The following KCNQ3 variants were observed in gnomAD, a reference collection of about 807,000 sequenced individuals.
KCNQ3 encodes the protein potassium voltage-gated channel subfamily KQT member 3.
A neutral mutation model predicts 92.5 loss-of-function variants in KCNQ3; 30 were observed. The ratio of observed to expected loss-of-function variants is 0.32; its 90% confidence interval spans 0.24 to 0.44. KCNQ3 has a LOEUF of 0.44. KCNQ3 is among the 20% of genes least tolerant of loss of function. The probability of loss-of-function intolerance (pLI) is 1.00; values close to 1 mark genes in which losing one functional copy is unlikely to be tolerated. For synonymous variants in KCNQ3, 450 were observed against 468.8 expected (o/e 0.96, Z 0.52); for missense variants, 913 against 1,140.3 (o/e 0.80, Z 2.87).
chr8:132,281,534 GTGTA>G (rs1259349780), intron 1 of KCNQ3, among the ~76,000 whole-genome samples: 1 of 102,262 alleles, frequency 9.8e-6, no homozygotes, highest in Non-Finnish European at 2.2e-5. Context: ...GTGTGTGTGT[GTGTA>G]TATGTGTGTG....
chr8:132,186,247 G>A, intron 1 of KCNQ3, 66 bp from the exon 2 acceptor site: 1 of 1,140,890 alleles, frequency 8.8e-7, no homozygotes, highest in Non-Finnish European at 1.3e-6. Flanking sequence ...GGCTAAGATG[G>A]GGAAAGGTGT....
At chr8:132,278,151 C>T (rs1203067672) in intron 1 of KCNQ3, 1 of 985,184 alleles carries the variant, frequency 1.0e-6, no homozygotes, top group African/African-American at 1.7e-5. Flanking sequence ...CCATTTTGTA[C>T]TCTGGAAATT....
intron 1 of KCNQ3, among the ~76,000 whole-genome samples, chr8:132,351,166 C>T (rs1176374116): frequency 6.6e-6 from 1 of 152,132 alleles, no homozygotes; most frequent in African/African-American, 2.4e-5. Context: ...ACAAATGATC[C>T]CATTTATGTC....
chr8:132,355,959 G>C (rs1819008566), intron 1 of KCNQ3, among the ~76,000 whole-genome samples: 1 of 152,174 alleles, frequency 6.6e-6, no homozygotes. Flanking sequence ...ATGTCATCTT[G>C]ATGCCAAGAA....
intron 13 of KCNQ3, among the ~76,000 whole-genome samples, chr8:132,133,918 A>G (rs1036571362): frequency 1.3e-5 from 2 of 152,204 alleles, no homozygotes; most frequent in Non-Finnish European, 2.9e-5. Context: ...AGGGGTATCA[A>G]TCAACTCAAA....
rs142816075 is a variant in KCNQ3, at chr8:132,250,970, C to A, written c.387-64789G>T. Among the ~76,000 whole-genome samples, 334 of 152,274 alleles carry A rather than the reference C, an allele frequency of 2.2e-3. 2 individuals are homozygous for A. Among genetic ancestry groups the A allele is most frequent in the Middle Eastern group, 0.02 (6 of 294 alleles). On this transcript the variant is annotated intron_variant, in intron 1 of 14. Transcript: ENST00000388996. ...CAGATAAGATCATTAGAAAGACATGCATTTGTGGCTGGGCACCATGGCTTA... is the reference window on the plus strand; with the variant it reads ...CAGATAAGATCATTAGAAAGACATGAATTTGTGGCTGGGCACCATGGCTTA...
chr8:132,391,976 T>C (rs1298826019), intron 1 of KCNQ3, among the ~76,000 whole-genome samples: 1 of 152,212 alleles, frequency 6.6e-6, no homozygotes, highest in African/African-American at 2.4e-5. Flanking sequence ...TGACACTGTG[T>C]GTCTGCATGC....
intron 1 of KCNQ3, among the ~76,000 whole-genome samples, chr8:132,244,920 CAAAAAA>C (rs35215337): frequency 8.9e-5 from 10 of 112,370 alleles, no homozygotes; most frequent in Admixed American, 1.9e-4. Flanking sequence ...CTCACTTGAC[CAAAAAA>C]AAAAAAAAAA....
At chr8:132,478,236 G>C (rs1483349123) in intron 1 of KCNQ3, among the ~76,000 whole-genome samples, 1 of 152,118 alleles carries the variant, frequency 6.6e-6, no homozygotes, top group East Asian at 1.9e-4. Flanking sequence ...TAAAATTGAG[G>C]CTCAGTCAGT....
chr8:132,314,756 C>T lies in KCNQ3; in HGVS notation c.387-128575G>A, dbSNP rs73360857. Among the ~76,000 whole-genome samples the T allele has an allele frequency of 9.4e-3, 1,436 of 152,206 alleles. 18 individuals are homozygous for T. Among genetic ancestry groups the T allele is most frequent in the African/African-American group, 0.031 (1,302 of 41,542 alleles). Reference sequence around the variant, plus strand: ...TTCCAATATAATTAGCAAAAGTAGGCGTTTTCTCTAATCCAAATACCAAAA... The same window carrying T: ...TTCCAATATAATTAGCAAAAGTAGGTGTTTTCTCTAATCCAAATACCAAAA... On this transcript the variant is annotated intron_variant, in intron 1 of 14. Transcript: ENST00000388996.
chr8:132,248,654 C>T (rs1249667402), intron 1 of KCNQ3, among the ~76,000 whole-genome samples: 1 of 152,216 alleles, frequency 6.6e-6, no homozygotes, highest in Admixed American at 6.5e-5. Context: ...CCCATATGCG[C>T]AGTCCCTGTG....
At chr8:132,457,328 C>A (rs1323846095) in intron 1 of KCNQ3, among the ~76,000 whole-genome samples, 1 of 152,140 alleles carries the variant, frequency 6.6e-6, no homozygotes, top group Admixed American at 6.5e-5. Flanking sequence ...AAGAAAGATA[C>A]AGAGACACCG....
In KCNQ3 at chr8:132,350,433, C is replaced by G. The variant is rs553472959; in HGVS notation, c.386+129714G>C. Among the ~76,000 whole-genome samples, 5 of 152,188 alleles carry G rather than the reference C, an allele frequency of 3.3e-5. No individual in the cohort carries two copies. The East Asian group carries it at 7.7e-4, about 24-fold the overall frequency. ...ACAGAAGGGTTTACAGGTAAGATCC[C>G]GAAGTCCACCGAGGCCAAGCTACCT... On this transcript the variant is annotated intron_variant, in intron 1 of 14. Coordinates refer to ENST00000388996, the MANE Select transcript of KCNQ3 (RefSeq NM_004519.4).
In KCNQ3 at chr8:132,260,276, G is replaced by A. The variant is rs150907501; in HGVS notation, c.387-74095C>T. On this transcript the variant is annotated intron_variant, in intron 1 of 14. Transcript: ENST00000388996. ...TATTTTCTCTTCTATCTAAGCTTTC[G>A]GGCTAGAAGGGGTATGTCATTCCTA... Among the ~76,000 whole-genome samples, 807 of 152,110 alleles carry A rather than the reference G, an allele frequency of 5.3e-3. 8 individuals carry two copies. The highest frequency in any genetic ancestry group is 0.018 in the African/African-American group (757 of 41,496).
chr8:132,143,612 C>A (rs769544466), intron 9 of KCNQ3, among the ~76,000 whole-genome samples: 1 of 152,158 alleles, frequency 6.6e-6, no homozygotes, highest in Non-Finnish European at 1.5e-5. Flanking sequence ...GAATGATGAC[C>A]ATAAGCCCAT....
intron 1 of KCNQ3, among the ~76,000 whole-genome samples, chr8:132,319,074 A>G (rs939945554): frequency 3.9e-5 from 6 of 152,228 alleles, no homozygotes; most frequent in African/African-American, 1.4e-4. Context: ...GGATAAAGCA[A>G]GGCAATACAG....
chr8:132,480,663 C>T lies in KCNQ3; in HGVS notation c.-131G>A, dbSNP rs1459785298. 5 of 952,656 alleles carry T rather than the reference C, an allele frequency of 5.2e-6. No individual in the cohort carries two copies. Among genetic ancestry groups the T allele is most frequent in the Non-Finnish European group, 6.4e-6 (5 of 786,920 alleles). 59.0% of individuals were successfully genotyped at this position (952,656 alleles called of 1,614,324 possible). A position where few individuals can be genotyped will look rare whatever the true frequency, so the allele number is the denominator to read the frequency against. On this transcript the variant is annotated 5_prime_UTR_variant, in exon 1 of 15. Coordinates refer to ENST00000388996, the MANE Select transcript of KCNQ3 (RefSeq NM_004519.4). ...ACTCCAATGCCATGATCCGCGCGCC[C>T]CTCCCCACCCCCCCCCAAAAGCAGG...
intron 1 of KCNQ3, among the ~76,000 whole-genome samples, chr8:132,452,163 G>A (rs1000511636): frequency 1.3e-5 from 2 of 152,104 alleles, no homozygotes; most frequent in Non-Finnish European, 2.9e-5. Context: ...TCGCATCGTT[G>A]TGCAACCATC....
Position 132,127,052 on chromosome 8 carries a change from C to G in KCNQ3, c.*2210G>C, listed in dbSNP as rs1824693219. 1 of 152,088 alleles carries G rather than the reference C, an allele frequency of 6.6e-6. No individual in the cohort carries two copies. Among genetic ancestry groups the G allele is most frequent in the African/African-American group, 2.4e-5 (1 of 41,406 alleles). 9.4% of individuals were successfully genotyped at this position (152,088 alleles called of 1,614,324 possible). A position where few individuals can be genotyped will look rare whatever the true frequency, so the allele number is the denominator to read the frequency against. On this transcript the variant is annotated 3_prime_UTR_variant, in exon 15 of 15. Coordinates refer to ENST00000388996, the MANE Select transcript of KCNQ3 (RefSeq NM_004519.4). ...AGGTGATCATCTCAAGTGAAAGATT[C>G]CAGGAAGATCAGGATTCAATAATCA...
Sources: allele counts gnomAD v4.1 joint callset (sites outside exome capture counted in the v4.1 genomes callset), GRCh38; gene constraint gnomAD v4.1.1; transcripts MANE v1.5; gene names NCBI Gene and HGNC (gene_info 2026-07-23, HGNC 2026-07-21).